PTPRF: variants seen among roughly 807,000 people sequenced by gnomAD.
PTPRF encodes the protein protein tyrosine phosphatase receptor type F, also known as receptor-type tyrosine-protein phosphatase F.
A neutral mutation model predicts 201.8 loss-of-function variants in PTPRF; 59 were observed. That is an observed-to-expected ratio of 0.29 (90% CI 0.24 to 0.36). The LOEUF (loss-of-function observed/expected upper bound fraction) is 0.36, where lower values mean the gene tolerates loss of function less well. PTPRF is among the 10% of genes least tolerant of loss of function. The pLI, the probability that PTPRF is intolerant of heterozygous loss-of-function variation, is 1.00. For synonymous variants in PTPRF, 1,088 were observed against 1,089.7 expected (o/e 1.00, Z 0.03); for missense variants, 2,132 against 2,690.5 (o/e 0.79, Z 4.59).
At position 43,553,945 on chromosome 1, in the gene PTPRF, C is replaced by A; in HGVS notation, c.379+4C>A. ...GCCAAGCTCTCAGTGCTCGAAGGTA[C>A]GTGCTAGGGAGACGTGGCACGGTGG... On this transcript the variant is annotated splice_donor_region_variant and intron_variant, in intron 5 of 33. Transcript: ENST00000359947. The surrounding 1 kb of genome is among the most constrained non-coding windows in gnomAD (Gnocchi z 4.1). 6.2e-7 allele frequency: 1 copy of A among 1,613,448 alleles called. No homozygotes were observed. The highest frequency in any genetic ancestry group is 8.5e-7 in the Non-Finnish European group (1 of 1,179,532).
chr1:43,535,917 G>A (rs1390567197), intron 1 of PTPRF, among the ~76,000 whole-genome samples: 5 of 152,154 alleles, frequency 3.3e-5, no homozygotes, highest in African/African-American at 9.7e-5. Context: ...TGAGACTACA[G>A]GTGTAGTCCC....
At chr1:43,575,694 G>A (rs777008827) in intron 6 of PTPRF, among the ~76,000 whole-genome samples, 3 of 151,556 alleles carry the variant, frequency 2.0e-5, no homozygotes, top group Non-Finnish European at 2.9e-5. Flanking sequence ...CCAGAGCAGA[G>A]CCAGTGACCT....
At chr1:43,539,565 G>A (rs1387237570) in intron 2 of PTPRF, among the ~76,000 whole-genome samples, 1 of 152,166 alleles carries the variant, frequency 6.6e-6, no homozygotes, top group Non-Finnish European at 1.5e-5. Flanking sequence ...TATGTCCTGG[G>A]TGTCTCCTGG....
At chr1:43,597,173 C>CT (rs1652501602) in intron 11 of PTPRF, among the ~76,000 whole-genome samples, 1 of 152,028 alleles carries the variant, frequency 6.6e-6, no homozygotes, top group African/African-American at 2.4e-5. Flanking sequence ...CTGTGAGACA[C>CT]TATGTGTATG....
chr1:43,531,331 CT>C (rs1643470758), intron 1 of PTPRF, among the ~76,000 whole-genome samples: 1 of 147,112 alleles, frequency 6.8e-6, no homozygotes, highest in Non-Finnish European at 1.5e-5. Flanking sequence ...CCCAGCGCTG[CT>C]GGCTGGCTCG....
Position 43,537,691 on chromosome 1 carries a change from G to A in PTPRF, c.-125-507G>A, listed in dbSNP as rs1644108934. Among the ~76,000 whole-genome samples, 1 of 152,260 alleles carries A rather than the reference G, an allele frequency of 6.6e-6. No homozygotes were observed. The highest frequency in any genetic ancestry group is 2.4e-5 in the African/African-American group (1 of 41,466). On this transcript the variant is annotated intron_variant, in intron 1 of 33. Transcript: ENST00000359947. The surrounding 1 kb of genome is among the most constrained non-coding windows in gnomAD (Gnocchi z 4.8). ...GAAAGTGCCACTGGACTTGAGATCC[G>A]AGGGTAAGTTGGCCAGAAGAGCATG...
intron 3 of PTPRF, among the ~76,000 whole-genome samples, chr1:43,547,796 C>T (rs1048608417): frequency 1.1e-4 from 17 of 152,242 alleles, no homozygotes; most frequent in African/African-American, 4.1e-4. Context: ...ACGCGCAGCT[C>T]CAGTGGAGAT....
At chr1:43,552,364 C>T (rs1001924315) in intron 3 of PTPRF, among the ~76,000 whole-genome samples, 2 of 152,176 alleles carry the variant, frequency 1.3e-5, no homozygotes, top group African/African-American at 4.8e-5. Flanking sequence ...CAGATGTGCC[C>T]CTCACTGGCA....
At chr1:43,607,543 C>T (rs536473577) in intron 21 of PTPRF, among the ~76,000 whole-genome samples, 1 of 152,372 alleles carries the variant, frequency 6.6e-6, no homozygotes, top group African/African-American at 2.4e-5. Flanking sequence ...TAGGAGTCTC[C>T]CTTCCTATCC....
rs150324325 is a variant in PTPRF at position 43,591,445 on chromosome 1, G to A, written c.1423G>A (p.Val475Met). 7.0e-5 allele frequency: 111 copies of A among 1,592,160 alleles called. No individual in the cohort carries two copies. The highest frequency in any genetic ancestry group is 4.0e-4 in the Admixed American group (23 of 58,064). The change falls in exon 9 of 34, where the codon GTG becomes ATG. Residue 475 changes from valine to methionine, a missense_variant. Val to Met is a conservative substitution (Grantham distance 21). This residue lies in a region of PTPRF where 351 missense variants were observed against 401.7 expected (regional missense o/e 0.87). Transcript: ENST00000359947. The stretch of plus-strand genomic sequence containing the variant: ...CACCGACGCGGGGCTCCTCACGACC[G>A]TGGGCAGCCTGCTGCCTGGCATCAC... ...HNTDAGLLTT[V>M]GSLLPGITYS...
chr1:43,569,219 G>GCCCCCCCCCCCCCCCCCCCCCCCC (rs11313129), intron 5 of PTPRF, among the ~76,000 whole-genome samples: 1 of 137,846 alleles, frequency 7.3e-6, no homozygotes, highest in Non-Finnish European at 1.6e-5. Context: ...CTCCCTGCTA[G>GCCCCCCCCCCCCCCCCCCCCCCCC]CCCCCCCCCC....
intron 5 of PTPRF, among the ~76,000 whole-genome samples, chr1:43,560,030 T>C (rs773698879): frequency 6.6e-6 from 1 of 150,978 alleles, no homozygotes; most frequent in South Asian, 2.1e-4. Flanking sequence ...AGTGTGTGTG[T>C]GCGCAGCGGG....
At chr1:43,526,082 A>T (rs1171106307), upstream of PTPRF, among the ~76,000 whole-genome samples, 1 of 152,084 alleles carries the variant, frequency 6.6e-6, no homozygotes, top group Non-Finnish European at 1.5e-5. Context: ...CGGGGAATAG[A>T]GAGCAAAGCC....
chr1:43,530,399 T>A (rs1305346267), upstream of PTPRF, among the ~76,000 whole-genome samples: 1 of 152,070 alleles, frequency 6.6e-6, no homozygotes, highest in Non-Finnish European at 1.5e-5. This position sits in a 1 kb window ranked among gnomAD's most constrained non-coding sequence, Gnocchi z 4.1. Context: ...AGCGTCACTA[T>A]CAAGGTTAGG....
At chr1:43,613,071 T>G in intron 22 of PTPRF, 1 of 354,992 alleles carries the variant, frequency 2.8e-6, no homozygotes, top group South Asian at 2.2e-5. Flanking sequence ...CACCCTTCCT[T>G]CTGCGTGCCT....
intron 17 of PTPRF, 62 bp downstream of exon 17, chr1:43,605,062 T>C: frequency 6.3e-7 from 1 of 1,595,760 alleles, no homozygotes; most frequent in Non-Finnish European, 8.6e-7. Context: ...GTGCTGTCTT[T>C]CCAGTCCTAA....
At chr1:43,601,861 C>T (rs1242759332) in intron 13 of PTPRF, among the ~76,000 whole-genome samples, 1 of 152,224 alleles carries the variant, frequency 6.6e-6, no homozygotes, top group Admixed American at 6.5e-5. Context: ...CTACCCTCCT[C>T]AGCCCTGGCA....
Position 43,546,376 on chromosome 1 carries a change from G to C in PTPRF, c.91+1210G>C, listed in dbSNP as rs1457161123. Among the ~76,000 whole-genome samples, 1 of 152,076 alleles carries C rather than the reference G, an allele frequency of 6.6e-6. No homozygotes were observed. The highest frequency in any genetic ancestry group is 1.5e-5 in the Non-Finnish European group (1 of 68,012). ...CAAAGAGAGGGCTGGGCAGGTGAGA[G>C]CAAGGAAAAAAGACAGGTGGGGAAT... On this transcript the variant is annotated intron_variant, in intron 3 of 33. Coordinates refer to ENST00000359947, the MANE Select transcript of PTPRF (RefSeq NM_002840.5). This position sits in a 1 kb window ranked among gnomAD's most constrained non-coding sequence, Gnocchi z 4.2.
At chr1:43,616,766 G>A (rs973547612) in intron 23 of PTPRF, among the ~76,000 whole-genome samples, 10 of 152,146 alleles carry the variant, frequency 6.6e-5, no homozygotes, top group Non-Finnish European at 1.2e-4. Context: ...AGGCTGCTGG[G>A]TACTCGGGGA....
Sources: gnomAD v4.1 joint callset for allele counts (sites outside exome capture counted in the v4.1 genomes callset) on GRCh38, gnomAD v4.1.1 for gene constraint, gnomAD v4.1.1 regional missense constraint, Gnocchi (gnomAD v3.1) non-coding constraint, MANE v1.5 for transcripts, NCBI Gene and HGNC (gene_info 2026-07-23, HGNC 2026-07-21) for gene names.